The following PLEKHA7 variants were observed in gnomAD, a reference collection of about 807,000 sequenced individuals.
PLEKHA7 encodes pleckstrin homology domain-containing family A member 7.
A neutral mutation model predicts 170.0 loss-of-function variants in PLEKHA7; 104 were observed. The observed-to-expected ratio is 0.61, with a 90% CI of 0.52 to 0.72. The LOEUF is 0.72. PLEKHA7 is among the 30% of genes least tolerant of loss of function. The probability of loss-of-function intolerance (pLI) is 0.00; values close to 1 mark genes in which losing one functional copy is unlikely to be tolerated. For missense variants in PLEKHA7, 1,615 were observed against 1,671.7 expected, an observed-to-expected ratio of 0.97 and a Z score of 0.59; for synonymous variants, 648 against 660.8, an observed-to-expected ratio of 0.98 and a Z score of 0.30.
chr11:16,868,175 C>T (rs1375329686), intron 4 of PLEKHA7, among the ~76,000 whole-genome samples: 2 of 152,140 alleles, frequency 1.3e-5, no homozygotes, highest in African/African-American at 4.8e-5. Context: ...TTATCAATTC[C>T]CATTGAACCC....
rs1426143561 is a variant in PLEKHA7, at chr11:16,817,301, A to C, written c.1365T>G (p.Leu455=). Residue 455 remains leucine, a synonymous_variant, in exon 11 of 27, where the codon CTT becomes CTG. Transcript: ENST00000531066. The surrounding 1 kb of genome is among the most constrained non-coding windows in gnomAD (Gnocchi z 4.4). ...GGGATTGGCCAGGACCCTGGCGAGG[A>C]AGCGTCTGGTCCAAGGGAAGACTGA... ...DSRSLPLDQT[L]PRQGPGQSLS... 4 of 1,611,196 alleles carry C rather than the reference A, an allele frequency of 2.5e-6. No homozygotes were observed. The highest frequency in any genetic ancestry group is 3.4e-6 in the Non-Finnish European group (4 of 1,179,764).
chr11:16,855,424 C>T (rs1365266345), intron 5 of PLEKHA7, among the ~76,000 whole-genome samples: 2 of 152,182 alleles, frequency 1.3e-5, no homozygotes, highest in Admixed American at 1.3e-4. Context: ...AGTGTTTCTA[C>T]ACCTGGAGCA....
intron 3 of PLEKHA7, among the ~76,000 whole-genome samples, chr11:16,907,353 T>G (rs1590572360): frequency 8.0e-6 from 1 of 124,660 alleles, no homozygotes; most frequent in Non-Finnish European, 1.7e-5. Context: ...GGAGCCCCTC[T>G]GCCCGGCCAG....
At chr11:16,969,125 C>T (rs1486441036) in intron 3 of PLEKHA7, among the ~76,000 whole-genome samples, 3 of 152,134 alleles carry the variant, frequency 2.0e-5, no homozygotes, top group South Asian at 2.1e-4. Context: ...TTTGATGCAA[C>T]TGACTGCCTG....
intron 3 of PLEKHA7, among the ~76,000 whole-genome samples, chr11:16,951,018 G>C (rs1171427036): frequency 6.6e-6 from 1 of 152,176 alleles, no homozygotes; most frequent in Non-Finnish European, 1.5e-5. Flanking sequence ...CCAGGAACCA[G>C]TCCCCAACAT....
intron 3 of PLEKHA7, among the ~76,000 whole-genome samples, chr11:16,951,349 C>A (rs1861393313): frequency 6.6e-6 from 1 of 152,080 alleles, no homozygotes; most frequent in South Asian, 2.1e-4. Context: ...GGGGAGACAT[C>A]ATGACGATGA....
At chr11:16,976,018 T>A (rs887987540) in intron 3 of PLEKHA7, among the ~76,000 whole-genome samples, 13 of 152,246 alleles carry the variant, frequency 8.5e-5, no homozygotes, top group Non-Finnish European at 1.8e-4. Flanking sequence ...TACTCATGAA[T>A]GGTCTGCATC....
At chr11:16,821,366 A>G (rs544538185) in intron 10 of PLEKHA7, among the ~76,000 whole-genome samples, 44 of 152,344 alleles carry the variant, frequency 2.9e-4, no homozygotes, top group African/African-American at 1.0e-3. Context: ...TCAGGGTGGG[A>G]AAATGAAAGC....
At chr11:17,013,900 A>G in intron 3 of PLEKHA7, 89 bp downstream of exon 3, 1 of 1,370,962 alleles carries the variant, frequency 7.3e-7, no homozygotes, top group South Asian at 1.4e-5. Context: ...GGCCGGCGGG[A>G]GCAGAGGAAG....
Position 16,790,782 on chromosome 11 carries a change from G to A in PLEKHA7, c.3052+16C>T, listed in dbSNP as rs1209947073. 1 of 1,604,714 alleles carries A rather than the reference G, an allele frequency of 6.2e-7. No individual in the cohort carries two copies. The highest frequency in any genetic ancestry group is 2.2e-5 in the East Asian group (1 of 44,590). Reference sequence around the variant, plus strand: ...GTGGGATTCCCAGAGAAACTCCAGGGAGGGCCCTGCCTTACCTCTGCCTGG... The same window carrying A: ...GTGGGATTCCCAGAGAAACTCCAGGAAGGGCCCTGCCTTACCTCTGCCTGG... On this transcript the variant is annotated intron_variant, in intron 21 of 26. Coordinates refer to ENST00000531066, the MANE Select transcript of PLEKHA7 (RefSeq NM_001329630.2).
intron 3 of PLEKHA7, among the ~76,000 whole-genome samples, chr11:16,907,157 A>G (rs1302257406): frequency 5.8e-4 from 45 of 77,058 alleles, no homozygotes; most frequent in African/African-American, 2.5e-3. Context: ...TCCGGAAGGG[A>G]GGTGGGGGGG....
intron 3 of PLEKHA7, among the ~76,000 whole-genome samples, chr11:16,978,715 CTTG>C (rs527881337): frequency 1.0e-3 from 159 of 152,328 alleles, no homozygotes; most frequent in African/African-American, 2.9e-3. Context: ...ACCTTTGCAA[CTTG>C]TCTACTTACT....
intron 3 of PLEKHA7, among the ~76,000 whole-genome samples, chr11:16,973,083 A>G (rs1310471309): frequency 6.6e-6 from 1 of 152,174 alleles, no homozygotes; most frequent in African/African-American, 2.4e-5. Flanking sequence ...TTACAGGCTT[A>G]TTGTGAAGAC....
rs770317177 is a variant in PLEKHA7, at chr11:16,789,144, C to G, written c.3309G>C (p.Leu1103=). 4.4e-5 allele frequency: 71 copies of G among 1,610,094 alleles called. No homozygotes were observed. Among genetic ancestry groups the G allele is most frequent in the Non-Finnish European group, 5.9e-5 (70 of 1,180,028 alleles). ...GCCGGCTGAGGTAGCGAGATGAGGG[C>G]AGGCCCGTCCTCTCCCCTTGGCCCA... ...RTLGQGERTG[L]PSSRYLSRPL... The change falls in exon 23 of 27, where the codon CTG becomes CTC. Residue 1103 remains leucine (L), a synonymous_variant. Coordinates refer to ENST00000531066, the MANE Select transcript of PLEKHA7 (RefSeq NM_001329630.2). This position sits in a 1 kb window ranked among gnomAD's most constrained non-coding sequence, Gnocchi z 4.6.
intron 3 of PLEKHA7, 108 bp downstream of exon 3, chr11:17,013,881 A>G: frequency 8.0e-7 from 1 of 1,253,178 alleles, no homozygotes; most frequent in African/African-American, 1.6e-5. Context: ...GCGCGCGCCA[A>G]CGAGCCCGGG....
chr11:16,954,659 A>G (rs1314481585), intron 3 of PLEKHA7, among the ~76,000 whole-genome samples: 1 of 151,964 alleles, frequency 6.6e-6, no homozygotes, highest in African/African-American at 2.4e-5. Context: ...AGAAAGTTAA[A>G]TATTAACGAC....
chr11:16,898,900 T>C (rs1048685048), intron 3 of PLEKHA7, among the ~76,000 whole-genome samples: 9 of 152,184 alleles, frequency 5.9e-5, no homozygotes, highest in African/African-American at 1.4e-4. Context: ...GATACTCTGA[T>C]AGGACTTTCA....
chr11:16,949,762 C>A (rs960333432), intron 3 of PLEKHA7, among the ~76,000 whole-genome samples: 1 of 151,950 alleles, frequency 6.6e-6, no homozygotes, highest in Non-Finnish European at 1.5e-5. Context: ...CAATGTAAAC[C>A]AAGGCACGAT....
intron 3 of PLEKHA7, among the ~76,000 whole-genome samples, chr11:16,975,513 A>T (rs1863006136): frequency 6.6e-6 from 1 of 152,164 alleles, no homozygotes; most frequent in Non-Finnish European, 1.5e-5. Context: ...GTTCCATGTC[A>T]GAGAACCCAT....
Sources: allele counts gnomAD v4.1 joint callset (sites outside exome capture counted in the v4.1 genomes callset), GRCh38; gene constraint gnomAD v4.1.1; non-coding constraint Gnocchi (gnomAD v3.1); transcripts MANE v1.5; gene names NCBI Gene and HGNC (gene_info 2026-07-23, HGNC 2026-07-21).